The following AKAP19 variants were observed in gnomAD, a reference collection of about 807,000 sequenced individuals.
AKAP19 encodes A-kinase anchoring protein 19.
chr2:190,200,260 C>A, the AKAP19 span: 1 of 840,914 alleles, frequency 1.2e-6, no homozygotes, highest in Non-Finnish European at 1.9e-6. Flanking sequence ...AAAAATGTGT[C>A]TACGATAATG....
the AKAP19 span, among the ~76,000 whole-genome samples, chr2:189,927,264 C>A: frequency 6.6e-6 from 1 of 152,140 alleles, no homozygotes; most frequent in Non-Finnish European, 1.5e-5. Flanking sequence ...CAGTTCTATG[C>A]TCTTTCTTTT....
chr2:189,988,139 G>A, the AKAP19 span, among the ~76,000 whole-genome samples: 2 of 152,118 alleles, frequency 1.3e-5, no homozygotes, highest in African/African-American at 4.8e-5. Flanking sequence ...AGGTCCAGGT[G>A]GGGCCATCTG....
the AKAP19 span, among the ~76,000 whole-genome samples, chr2:189,971,923 T>G: frequency 6.6e-6 from 1 of 151,800 alleles, no homozygotes; most frequent in Middle Eastern, 3.4e-3. Flanking sequence ...TTTCTCCCAT[T>G]CTGTAGGTTG....
chr2:189,930,866 G>T, the AKAP19 span: 1 of 734,708 alleles, frequency 1.4e-6, no homozygotes, highest in African/African-American at 1.8e-5. Flanking sequence ...GGTGTTGGAT[G>T]GTAGACTGGA....
the AKAP19 span, chr2:190,095,673 C>G: frequency 6.6e-6 from 1 of 152,164 alleles, no homozygotes; most frequent in Non-Finnish European, 1.5e-5. Context: ...CCCAAATGGA[C>G]TGACACAATC....
chr2:189,926,890 T>C, the AKAP19 span, among the ~76,000 whole-genome samples: 1 of 151,866 alleles, frequency 6.6e-6, no homozygotes, highest in Non-Finnish European at 1.5e-5. Flanking sequence ...GCCTAATTAA[T>C]TGTTTTTCTA....
At chr2:189,885,808 A>G in the AKAP19 span, among the ~76,000 whole-genome samples, 2 of 151,850 alleles carry the variant, frequency 1.3e-5, no homozygotes. Context: ...ATTAATTTTT[A>G]TTTTATTTTA....
chr2:189,976,917 G>T, the AKAP19 span, among the ~76,000 whole-genome samples: 1 of 152,206 alleles, frequency 6.6e-6, no homozygotes, highest in Non-Finnish European at 1.5e-5. Flanking sequence ...CTGACCCTTT[G>T]TGCTTCCTGG....
At chr2:189,999,516 A>C in the AKAP19 span, among the ~76,000 whole-genome samples, 1 of 151,840 alleles carries the variant, frequency 6.6e-6, no homozygotes, top group African/African-American at 2.4e-5. Context: ...AGTGTTCTTT[A>C]TTTCTTTTTG....
At chr2:190,169,022 C>T in the AKAP19 span, among the ~76,000 whole-genome samples, 1 of 152,122 alleles carries the variant, frequency 6.6e-6, no homozygotes, top group Non-Finnish European at 1.5e-5. Context: ...TGTGTTAGTC[C>T]TTTTATGCTG....
chr2:189,921,066 C>A, the AKAP19 span, among the ~76,000 whole-genome samples: 4 of 152,034 alleles, frequency 2.6e-5, no homozygotes, highest in South Asian at 8.3e-4. Context: ...GATTCCTTAA[C>A]TATCATTTCA....
At chr2:190,167,781 G>T in the AKAP19 span, among the ~76,000 whole-genome samples, 2 of 152,346 alleles carry the variant, frequency 1.3e-5, no homozygotes, top group South Asian at 4.1e-4. Context: ...TGCAAGAAGT[G>T]AGTTCCCATG....
At chr2:189,933,636 G>C in the AKAP19 span, among the ~76,000 whole-genome samples, 1 of 152,110 alleles carries the variant, frequency 6.6e-6, no homozygotes, top group Non-Finnish European at 1.5e-5. Context: ...TTAGCTCACA[G>C]AGCCTTTAAT....
the AKAP19 span, among the ~76,000 whole-genome samples, chr2:190,122,898 C>T: frequency 6.6e-6 from 1 of 151,758 alleles, no homozygotes; most frequent in East Asian, 1.9e-4. Flanking sequence ...CAACCTTGAA[C>T]ACTTGGGCTC....
At chr2:190,082,803 T>A in the AKAP19 span, among the ~76,000 whole-genome samples, 1 of 152,220 alleles carries the variant, frequency 6.6e-6, no homozygotes, top group Non-Finnish European at 1.5e-5. Context: ...GTATATCCAA[T>A]TCTAAACCCA....
At chr2:190,166,365 A>C in the AKAP19 span, among the ~76,000 whole-genome samples, 1 of 107,970 alleles carries the variant, frequency 9.3e-6, no homozygotes, top group South Asian at 2.8e-4. Flanking sequence ...ACACTTTTGC[A>C]AAACAGATTG....
the AKAP19 span, among the ~76,000 whole-genome samples, chr2:190,164,809 C>A: frequency 1.3e-5 from 2 of 152,116 alleles, no homozygotes; most frequent in African/African-American, 4.8e-5. Context: ...ATAAAACTTA[C>A]ATTCCTTGAG....
At chr2:189,965,828 A>T in the AKAP19 span, among the ~76,000 whole-genome samples, 1 of 152,184 alleles carries the variant, frequency 6.6e-6, no homozygotes, top group Non-Finnish European at 1.5e-5. Flanking sequence ...GAAGTCATAC[A>T]AAAAAGATAC....
the AKAP19 span, among the ~76,000 whole-genome samples, chr2:190,095,061 A>G: frequency 6.6e-6 from 1 of 152,136 alleles, no homozygotes; most frequent in Admixed American, 6.5e-5. Flanking sequence ...CATCTCTACT[A>G]AAAATACAAA....
Sources: allele counts gnomAD v4.1 joint callset (sites outside exome capture counted in the v4.1 genomes callset), GRCh38; gene constraint gnomAD v4.1.1; transcripts MANE v1.5; gene names NCBI Gene and HGNC (gene_info 2026-07-23, HGNC 2026-07-21).